LOXL2: variants seen among roughly 807,000 people sequenced by gnomAD.
LOXL2 encodes lysyl oxidase homolog 2.
In LOXL2, 70 loss-of-function variants were observed where a neutral mutation model predicts 93.0. The ratio of observed to expected loss-of-function variants is 0.75; its 90% CI spans 0.62 to 0.92. The LOEUF (loss-of-function observed/expected upper bound fraction) is 0.92, where lower values mean the gene tolerates loss of function less well. LOXL2 is among the 40% of genes least tolerant of loss of function. The pLI, the probability that LOXL2 is intolerant of heterozygous loss-of-function variation, is 0.00. For synonymous variants in LOXL2, 438 were observed against 413.2 expected, an observed-to-expected ratio of 1.06 and a Z score of -0.73; for missense variants, 973 against 1,054.9, an observed-to-expected ratio of 0.92 and a Z score of 1.08.
chr8:23,303,183 CA>C (rs1803168122), intron 11 of LOXL2, 98 bp downstream of exon 11: 1 of 777,714 alleles, frequency 1.3e-6, no homozygotes, highest in African/African-American at 1.7e-5. Flanking sequence ...CAGAGTGACA[CA>C]GGGTCAGTGC....
chr8:23,384,892 TGAAACTCCGTC>T (rs1804736087), intron 1 of LOXL2, among the ~76,000 whole-genome samples: 2 of 151,960 alleles, frequency 1.3e-5, no homozygotes, highest in Non-Finnish European at 2.9e-5. Flanking sequence ...CCAGACGGAG[TGAAACTCCGTC>T]TCAAGAAAAC....
In LOXL2 at chr8:23,327,114, G is replaced by A. The variant is rs188531588; in HGVS notation, c.1150+1268C>T. Reference sequence around the variant, plus strand: ...CTGTCCATCATTTCAGGACTCTCTCGAGGCCACTGGAATGCGGGCTTCCTT... The same window carrying A: ...CTGTCCATCATTTCAGGACTCTCTCAAGGCCACTGGAATGCGGGCTTCCTT... On this transcript the variant is annotated intron_variant, in intron 6 of 13. Coordinates refer to ENST00000389131, the MANE Select transcript of LOXL2 (RefSeq NM_002318.3). 7.2e-4 allele frequency among the ~76,000 whole-genome samples: 110 copies of A among 152,248 alleles called. 1 individual carries two copies. Among genetic ancestry groups the A allele is most frequent in the Middle Eastern group, 3.4e-3 (1 of 294 alleles).
chr8:23,398,333 G>A (rs1800119654), intron 1 of LOXL2, among the ~76,000 whole-genome samples: 1 of 152,216 alleles, frequency 6.6e-6, no homozygotes, highest in African/African-American at 2.4e-5. Flanking sequence ...TGTTGCCACA[G>A]GACATCCAGA....
chr8:23,395,615 G>A lies in LOXL2; in HGVS notation c.-84+8339C>T, dbSNP rs78279895. Among the ~76,000 whole-genome samples, 206 of 152,200 alleles carry A rather than the reference G, an allele frequency of 1.4e-3. 3 individuals are homozygous for A. The East Asian group carries it at 0.032, about 23-fold the overall frequency. On this transcript the variant is annotated intron_variant, in intron 1 of 13. Transcript: ENST00000389131. ...AGTCTTTTAAAAAAGAATCTACTTC[G>A]ATGACACTTGAAAGTGTCATGCAGG...
At chr8:23,379,652 AGCC>A (rs138271634) in intron 1 of LOXL2, among the ~76,000 whole-genome samples, 114,210 of 151,772 alleles carry the variant, frequency 0.75, 43,721 homozygotes, top group African/African-American at 0.88. Flanking sequence ...CCCCTCCCCC[AGCC>A]GCCTTGCTGC....
intron 5 of LOXL2, among the ~76,000 whole-genome samples, chr8:23,332,178 A>T (rs371581737): frequency 1.4e-4 from 21 of 149,046 alleles, no homozygotes; most frequent in African/African-American, 2.5e-4. Flanking sequence ...ACACTCTCTC[A>T]CACACACACA....
At chr8:23,344,959 T>TA (rs1416492875) in intron 3 of LOXL2, among the ~76,000 whole-genome samples, 1 of 152,164 alleles carries the variant, frequency 6.6e-6, no homozygotes, top group Non-Finnish European at 1.5e-5. Flanking sequence ...GCTTCCTCCT[T>TA]ACACCCCAAC....
At chr8:23,401,053 T>C (rs555733214) in intron 1 of LOXL2, among the ~76,000 whole-genome samples, 5 of 152,252 alleles carry the variant, frequency 3.3e-5, no homozygotes, top group East Asian at 3.9e-4. Context: ...ACGAGTAACA[T>C]GGAGAACCAG....
rs60464587 is a variant in LOXL2 at position 23,347,168 on chromosome 8, AACACACACAC to A, written c.532-5975_532-5966del. 7.9e-3 allele frequency among the ~76,000 whole-genome samples: 1,120 copies of A among 141,806 alleles called. 47 individuals carry two copies. In the East Asian group the frequency reaches 0.13, roughly 17 times the overall value. The allele number at this position is 141,806 out of a possible 152,430, so 93.0% of individuals were successfully genotyped here. ...ACCCTATCTCTACTAAACACACACAAACACACACACACACACACACACACACACACACACA... is the reference window on the plus strand; with the variant it reads ...ACCCTATCTCTACTAAACACACACAAACACACACACACACACACACACACA... On this transcript the variant is annotated intron_variant, in intron 3 of 13. Coordinates refer to ENST00000389131, the MANE Select transcript of LOXL2 (RefSeq NM_002318.3).
At chr8:23,371,818 G>A (rs1164069054) in intron 1 of LOXL2, among the ~76,000 whole-genome samples, 1 of 146,738 alleles carries the variant, frequency 6.8e-6, no homozygotes, top group Admixed American at 6.9e-5. Context: ...AGGCAGGAAG[G>A]CATTAAATGG....
At chr8:23,325,421 C>T (rs1244035013) in intron 6 of LOXL2, among the ~76,000 whole-genome samples, 1 of 152,146 alleles carries the variant, frequency 6.6e-6, no homozygotes, top group Non-Finnish European at 1.5e-5. Context: ...TTCTGAGTAG[C>T]TGGGACCACA....
At chr8:23,371,618 G>A in intron 1 of LOXL2, among the ~76,000 whole-genome samples, 1 of 151,722 alleles carries the variant, frequency 6.6e-6, no homozygotes. Context: ...CGGGCATGGT[G>A]GCGGGCACCT....
chr8:23,356,920 G>A (rs1156714648), intron 3 of LOXL2, among the ~76,000 whole-genome samples: 1 of 152,132 alleles, frequency 6.6e-6, no homozygotes, highest in Non-Finnish European at 1.5e-5. Context: ...AGGGCTGGAG[G>A]ACAAGGGCCA....
Position 23,322,248 on chromosome 8 carries a change from C to T in LOXL2, c.1184G>A (p.Cys395Tyr), listed in dbSNP as rs1318787642. 6.2e-7 allele frequency: 1 copy of T among 1,614,208 alleles called. No homozygotes were observed. Among genetic ancestry groups the T allele is most frequent in the Admixed American group, 1.7e-5 (1 of 60,028 alleles). The change falls in exon 7 of 14, where the codon TGC (cysteine) becomes TAC (tyrosine). Residue 395 changes from cysteine (C) to tyrosine (Y), a missense_variant. Cys to Tyr is a radical substitution (Grantham distance 194). Transcript: ENST00000389131. The part of the protein sequence containing the change: ...IGPIHLNEIQ[C>Y]TGNEKSIIDC... ...TATAATGGACTTCTCATTGCCTGTGCACTGGATCTCGTTGAGGTGGATGGG... is the reference window on the plus strand; with the variant it reads ...TATAATGGACTTCTCATTGCCTGTGTACTGGATCTCGTTGAGGTGGATGGG...
At chr8:23,341,254 CAG>C in intron 3 of LOXL2, 51 bp from the exon 4 acceptor site, 2 of 1,430,562 alleles carry the variant, frequency 1.4e-6, no homozygotes, top group Non-Finnish European at 2.0e-6. Flanking sequence ...GGCCTGGCTG[CAG>C]AGACACCAGG....
At chr8:23,298,996 C>A in intron 12 of LOXL2, 49 bp from the exon 13 acceptor site, 1 of 1,118,616 alleles carries the variant, frequency 8.9e-7, no homozygotes, top group Middle Eastern at 2.4e-4. Context: ...CTGCGGCCAC[C>A]TCCACCCAGG....
intron 3 of LOXL2, among the ~76,000 whole-genome samples, chr8:23,346,300 T>TC (rs1433712150): frequency 6.6e-6 from 1 of 152,122 alleles, no homozygotes; most frequent in Non-Finnish European, 1.5e-5. Flanking sequence ...CCTGATGCTA[T>TC]CCCTCTTGCC....
At position 23,299,016 on chromosome 8, in the gene LOXL2, C is replaced by T. The variant is rs1803084206; in HGVS notation, c.2134-69G>A. Reference sequence around the variant, plus strand: ...GCCACCTCCACCCAGGCCTGGGGCTCTGAGAGACCAGCACCTCAGGGAAGG... The same window carrying T: ...GCCACCTCCACCCAGGCCTGGGGCTTTGAGAGACCAGCACCTCAGGGAAGG... On this transcript the variant is annotated intron_variant, in intron 12 of 13. Transcript: ENST00000389131. 6 of 908,302 alleles carry T rather than the reference C, an allele frequency of 6.6e-6. 1 individual carries two copies. In the South Asian group the frequency reaches 8.0e-5, roughly 12 times the overall value. The allele number at this position is 908,302 out of a possible 1,614,324, so 56.3% of individuals were successfully genotyped here.
At chr8:23,401,274 A>T (rs1007578582) in intron 1 of LOXL2, among the ~76,000 whole-genome samples, 12 of 152,248 alleles carry the variant, frequency 7.9e-5, no homozygotes, top group African/African-American at 2.7e-4. Context: ...TAACAATAGG[A>T]ATGTAACAAG....
Sources: gnomAD v4.1 joint callset for allele counts (sites outside exome capture counted in the v4.1 genomes callset) on GRCh38, gnomAD v4.1.1 for gene constraint, MANE v1.5 for transcripts, NCBI Gene and HGNC (gene_info 2026-07-23, HGNC 2026-07-21) for gene names.